The following HPSE2 variants were observed in gnomAD, a reference collection of about 807,000 sequenced individuals.
HPSE2 encodes the protein heparanase 2 (inactive).
HPSE2 carries 38 observed loss-of-function variants against 60.5 expected under a neutral mutation model. That is an observed-to-expected ratio of 0.63 (90% CI 0.48 to 0.82). The LOEUF (loss-of-function observed/expected upper bound fraction) is 0.82. HPSE2 is among the 40% of genes least tolerant of loss of function. The pLI is 0.00. For missense variants in HPSE2, 713 were observed against 740.4 expected, an observed-to-expected ratio of 0.96 and a Z score of 0.43; for synonymous variants, 295 against 293.2, an observed-to-expected ratio of 1.01 and a Z score of -0.06.
chr10:99,235,835 TG>T lies in HPSE2; in HGVS notation c.-34del. On this transcript the variant is annotated 5_prime_UTR_variant, in exon 1 of 12. Transcript: ENST00000370552. ...CTCTGATTTAAACCTCTCTTCCTAC[TG>T]GGTCTCGCTAGTGACTAATTGTCCT... 3 of 1,592,952 alleles carry T rather than the reference TG, an allele frequency of 1.9e-6. No homozygotes were observed. The highest frequency in any genetic ancestry group is 2.6e-6 in the Non-Finnish European group (3 of 1,162,750).
chr10:99,042,296 C>T (rs570452247), intron 3 of HPSE2, among the ~76,000 whole-genome samples: 2 of 152,194 alleles, frequency 1.3e-5, no homozygotes, highest in East Asian at 3.9e-4. Context: ...CTTGGCCAGA[C>T]AAGGCGTCCC....
chr10:99,077,910 G>A (rs1564788856), intron 3 of HPSE2, among the ~76,000 whole-genome samples: 1 of 152,120 alleles, frequency 6.6e-6, no homozygotes, highest in Non-Finnish European at 1.5e-5. Context: ...GAGTCATGGA[G>A]GTGGATCCCT....
intron 3 of HPSE2, among the ~76,000 whole-genome samples, chr10:99,004,429 T>C (rs1014519030): frequency 1.3e-5 from 2 of 152,168 alleles, no homozygotes; most frequent in African/African-American, 4.8e-5. Context: ...GTATCGATTA[T>C]AGGTTTTTGC....
At chr10:98,719,717 AAAAG>A (rs1169044523) in intron 5 of HPSE2, among the ~76,000 whole-genome samples, 2 of 150,150 alleles carry the variant, frequency 1.3e-5, no homozygotes, top group African/African-American at 2.5e-5. Context: ...AAAAAAAAAA[AAAAG>A]AAGAAGAAAA....
At chr10:99,080,417 A>G (rs1195457722) in intron 3 of HPSE2, among the ~76,000 whole-genome samples, 1 of 152,120 alleles carries the variant, frequency 6.6e-6, no homozygotes, top group Non-Finnish European at 1.5e-5. Flanking sequence ...ACCATGGTAC[A>G]TTTCCTTCTT....
chr10:99,185,028 A>G (rs1309869476), intron 2 of HPSE2, among the ~76,000 whole-genome samples: 1 of 151,604 alleles, frequency 6.6e-6, no homozygotes, highest in African/African-American at 2.4e-5. Flanking sequence ...GGCTGGGTGC[A>G]GTGCTTCACA....
chr10:98,525,063 T>G (rs1942920813), intron 9 of HPSE2, among the ~76,000 whole-genome samples: 1 of 152,288 alleles, frequency 6.6e-6, no homozygotes, highest in South Asian at 2.1e-4. Flanking sequence ...CAGGCTGGAG[T>G]GCAATGGCAC....
intron 5 of HPSE2, among the ~76,000 whole-genome samples, chr10:98,695,767 T>C (rs10736136): frequency 0.59 from 89,968 of 151,870 alleles, 27,178 homozygotes; most frequent in South Asian, 0.78. Flanking sequence ...CCCAGGACAA[T>C]CTCTTTTGGG....
rs954029922 is a variant in HPSE2 at position 98,628,174 on chromosome 10, T to C, written c.1099-7466A>G. Among the ~76,000 whole-genome samples, 6 of 152,238 alleles carry C rather than the reference T, an allele frequency of 3.9e-5. No homozygotes were observed. The East Asian group carries it at 1.2e-3, about 29-fold the overall frequency. On this transcript the variant is annotated intron_variant, in intron 7 of 11. Transcript: ENST00000370552. ...TGAGTATTTACTGTTTGGGGCACCG[T>C]GGGAGGCTTATGAACTCTGTATCTT...
At chr10:98,735,605 A>C (rs1949337293) in intron 4 of HPSE2, among the ~76,000 whole-genome samples, 1 of 152,056 alleles carries the variant, frequency 6.6e-6, no homozygotes, top group African/African-American at 2.4e-5. Context: ...TACTCTGTAA[A>C]GCCACAGGGG....
In HPSE2 at chr10:98,464,612, A is replaced by G. The variant is rs1452687940; in HGVS notation, c.1614-4873T>C. Reference sequence around the variant, plus strand: ...CTTATTGTAGTGAGTTACTTGTTTGATCCCTCACTGGGCTATGAATCCTCA... The same window carrying G: ...CTTATTGTAGTGAGTTACTTGTTTGGTCCCTCACTGGGCTATGAATCCTCA... On this transcript the variant is annotated intron_variant, in intron 11 of 11. Transcript: ENST00000370552. 1.1e-4 allele frequency among the ~76,000 whole-genome samples: 16 copies of G among 152,148 alleles called. 1 individual carries two copies. Among genetic ancestry groups the G allele is most frequent in the African/African-American group, 4.8e-5 (2 of 41,426 alleles).
rs1238827747 is a variant in HPSE2 at position 99,048,681 on chromosome 10, A to G, written c.610+95557T>C. On this transcript the variant is annotated intron_variant, in intron 3 of 11. Coordinates refer to ENST00000370552, the MANE Select transcript of HPSE2 (RefSeq NM_021828.5). Reference sequence around the variant, plus strand: ...TGGCAAGCAGTTTAGAGGTTTCTCAAATAACTTAAAACAGAGCTACCATTC... The same window carrying G: ...TGGCAAGCAGTTTAGAGGTTTCTCAGATAACTTAAAACAGAGCTACCATTC... Among the ~76,000 whole-genome samples the G allele has an allele frequency of 7.2e-5, 11 of 152,312 alleles. No individual in the cohort carries two copies. In the South Asian group the frequency reaches 2.1e-3, roughly 29 times the overall value.
At chr10:98,827,872 T>G (rs7079433) in intron 3 of HPSE2, among the ~76,000 whole-genome samples, 130 of 152,308 alleles carry the variant, frequency 8.5e-4, no homozygotes, top group African/African-American at 3.1e-3. Flanking sequence ...CTGTGAAGGT[T>G]TTATTTTATT....
chr10:98,628,809 A>G (rs1272402055), intron 7 of HPSE2, among the ~76,000 whole-genome samples: 1 of 152,050 alleles, frequency 6.6e-6, no homozygotes, highest in Non-Finnish European at 1.5e-5. Context: ...TTTCATGTGG[A>G]CATATTGAGG....
rs1385841859 is a variant in HPSE2 at position 99,166,149 on chromosome 10, T to TC, written c.449-21751_449-21750insG. 1.5e-3 allele frequency among the ~76,000 whole-genome samples: 221 copies of TC among 152,366 alleles called. 2 individuals carry two copies. Among genetic ancestry groups the TC allele is most frequent in the Non-Finnish European group, 2.7e-3 (186 of 68,038 alleles). ...GTTGTGAATCAATAGTTAATTCTTTTATTGCTGAATAATATTCCATTGAAT... is the reference window on the plus strand; with the variant it reads ...GTTGTGAATCAATAGTTAATTCTTTTCATTGCTGAATAATATTCCATTGAAT... On this transcript the variant is annotated intron_variant, in intron 2 of 11. Transcript: ENST00000370552.
At chr10:98,789,857 G>A (rs941545992) in intron 3 of HPSE2, among the ~76,000 whole-genome samples, 14 of 152,148 alleles carry the variant, frequency 9.2e-5, no homozygotes, top group Non-Finnish European at 1.8e-4. Flanking sequence ...TTAAATTTCA[G>A]ATAAATAGCA....
chr10:99,247,450 A>G, the HPSE2 span, among the ~76,000 whole-genome samples: 32 of 152,352 alleles, frequency 2.1e-4, no homozygotes, highest in East Asian at 6.0e-3. Flanking sequence ...ACACTTAAGT[A>G]TATAACCCAT....
intron 3 of HPSE2, among the ~76,000 whole-genome samples, chr10:98,802,841 T>C (rs1950948306): frequency 6.9e-6 from 1 of 144,110 alleles, no homozygotes. Flanking sequence ...TACCCAGTAA[T>C]GGGATGGCTG....
intron 3 of HPSE2, among the ~76,000 whole-genome samples, chr10:98,826,152 A>G (rs1448203289): frequency 6.6e-6 from 1 of 152,216 alleles, no homozygotes; most frequent in African/African-American, 2.4e-5. Flanking sequence ...AAGAATGCAA[A>G]GACTTTGTCT....
Sources: gnomAD v4.1 joint callset for allele counts (sites outside exome capture counted in the v4.1 genomes callset) on GRCh38, gnomAD v4.1.1 for gene constraint, MANE v1.5 for transcripts, NCBI Gene and HGNC (gene_info 2026-07-23, HGNC 2026-07-21) for gene names.